Variants in STAB2 observed in about 807,000 individuals in gnomAD.
The protein encoded by STAB2 is stabilin 2, also known as stabilin-2.
Under a neutral mutation model 338.1 loss-of-function variants are expected in STAB2, and 288 were observed. That is an observed-to-expected ratio of 0.85 (90% CI 0.77 to 0.94). The LOEUF is 0.94. Ranked by LOEUF, STAB2 falls within the 40% of genes least tolerant of loss-of-function variation. The pLI, the probability that STAB2 is intolerant of heterozygous loss-of-function variation, is 0.00. For missense variants in STAB2, 3,141 were observed against 3,210.1 expected (o/e 0.98, Z 0.52); for synonymous variants, 1,202 against 1,193.3 (o/e 1.01, Z -0.15).
At chr12:103,612,794 G>GT (rs1957146259) in intron 3 of STAB2, among the ~76,000 whole-genome samples, 1 of 151,886 alleles carries the variant, frequency 6.6e-6, no homozygotes, top group African/African-American at 2.4e-5. Flanking sequence ...TTTCTGCTCT[G>GT]TTTTTTTCCC....
chr12:103,728,323 T>G (rs1304149554), intron 47 of STAB2, among the ~76,000 whole-genome samples: 1 of 151,854 alleles, frequency 6.6e-6, no homozygotes, highest in Non-Finnish European at 1.5e-5. Context: ...TGGGCCAGGC[T>G]GGTCTCGAAC....
intron 19 of STAB2, among the ~76,000 whole-genome samples, chr12:103,667,683 G>A (rs961342479): frequency 6.6e-6 from 1 of 152,170 alleles, no homozygotes; most frequent in African/African-American, 2.4e-5. Context: ...CTTCCTCAGT[G>A]ACCTCAGAAT....
In STAB2 at chr12:103,705,708, A is replaced by C; in HGVS notation, c.3977A>C (p.Lys1326Thr). The change falls in exon 37 of 69, where the codon AAA becomes ACA. Residue 1326 changes from lysine to threonine, a missense_variant. Transcript: ENST00000388887. Reference protein sequence around the residue: ...RRTLFIGCQPKCVRTVITREC... With the variant: ...RRTLFIGCQPTCVRTVITREC... ...ACCCTGTTTATTGGGTGCCAGCCAA[A>C]ATGTGTGAGAACCGTCATTGTGAGT... 1 of 1,614,192 alleles carries C rather than the reference A, an allele frequency of 6.2e-7. No individual in the cohort carries two copies. Among genetic ancestry groups the C allele is most frequent in the South Asian group, 1.1e-5 (1 of 91,076 alleles).
At chr12:103,704,171 T>C (rs1357377187) in intron 35 of STAB2, among the ~76,000 whole-genome samples, 4 of 152,240 alleles carry the variant, frequency 2.6e-5, no homozygotes. Context: ...GTATTATCTC[T>C]GGGGCATCTC....
chr12:103,737,354 A>C (rs560178507), intron 52 of STAB2, among the ~76,000 whole-genome samples: 2 of 152,366 alleles, frequency 1.3e-5, no homozygotes, highest in South Asian at 2.1e-4. Context: ...ATGGGTACTA[A>C]TAATAATAGC....
In STAB2 at chr12:103,664,551, G is replaced by A. The variant is rs561251119; in HGVS notation, c.2022+1553G>A. Among the ~76,000 whole-genome samples, 33 of 152,268 alleles carry A rather than the reference G, an allele frequency of 2.2e-4. 1 individual carries two copies. The highest frequency in any genetic ancestry group is 3.4e-3 in the Middle Eastern group (1 of 294). Reference sequence around the variant, plus strand: ...CCCAAGTTTTAACAATAATAGGTCTGGGTCTTTCTTTTCAGGATGCTTCAA... The same window carrying A: ...CCCAAGTTTTAACAATAATAGGTCTAGGTCTTTCTTTTCAGGATGCTTCAA... On this transcript the variant is annotated intron_variant, in intron 18 of 68. Coordinates refer to ENST00000388887, the MANE Select transcript of STAB2 (RefSeq NM_017564.10).
chr12:103,698,695 G>A (rs982885395), intron 33 of STAB2, among the ~76,000 whole-genome samples: 6 of 152,110 alleles, frequency 3.9e-5, no homozygotes, highest in East Asian at 1.9e-4. Context: ...CTATCTCCAC[G>A]AGACACAGAT....
At chr12:103,698,741 G>A (rs1034886754) in intron 33 of STAB2, among the ~76,000 whole-genome samples, 8 of 152,088 alleles carry the variant, frequency 5.3e-5, no homozygotes, top group South Asian at 2.1e-4. Context: ...AGCTCCTCTC[G>A]TGCCCCAGAG....
Position 103,761,397 on chromosome 12 carries a change from C to T in STAB2, c.7346C>T (p.Pro2449Leu). The change falls in exon 66 of 69, where the codon CCC becomes CTC. Residue 2449 changes from proline (P) to leucine (L), a missense_variant. Transcript: ENST00000388887. ...IHVISRPLKA[P>L]PAPVTLTHTG... is the part of the protein sequence containing the mutation. The stretch of plus-strand genomic sequence containing the variant: ...GTCATTTCCAGGCCTTTAAAAGCAC[C>T]CCCTGCCCCCGTGGTGAGTATCTAG... 6.2e-7 allele frequency: 1 copy of T among 1,613,592 alleles called. No homozygotes were observed. Among genetic ancestry groups the T allele is most frequent in the South Asian group, 1.1e-5 (1 of 91,048 alleles).
At chr12:103,687,930 T>C (rs1339854902) in intron 27 of STAB2, among the ~76,000 whole-genome samples, 1 of 152,220 alleles carries the variant, frequency 6.6e-6, no homozygotes, top group Non-Finnish European at 1.5e-5. Context: ...ATTACTTCCA[T>C]AGAGAATAAC....
chr12:103,600,883 C>T (rs1956944289), intron 3 of STAB2, among the ~76,000 whole-genome samples: 1 of 76,190 alleles, frequency 1.3e-5, no homozygotes, highest in South Asian at 4.3e-4. Context: ...CAGGCACATT[C>T]CTTCCTGTCC....
At chr12:103,744,221 G>A (rs967293810) in intron 56 of STAB2, among the ~76,000 whole-genome samples, 1 of 151,834 alleles carries the variant, frequency 6.6e-6, no homozygotes, top group Non-Finnish European at 1.5e-5. Context: ...ATGGCTCACT[G>A]CAGCCTCAAC....
intron 3 of STAB2, among the ~76,000 whole-genome samples, chr12:103,617,462 T>C (rs923303949): frequency 6.6e-6 from 1 of 152,226 alleles, no homozygotes; most frequent in African/African-American, 2.4e-5. Flanking sequence ...TACTACAACC[T>C]ACCTAGAAGA....
At chr12:103,617,750 C>T (rs886105105) in intron 3 of STAB2, among the ~76,000 whole-genome samples, 9 of 152,190 alleles carry the variant, frequency 5.9e-5, no homozygotes, top group African/African-American at 1.9e-4. Flanking sequence ...CACAAACATG[C>T]CTGTTACCTG....
At position 103,761,395 on chromosome 12, in the gene STAB2, AC is replaced by A; in HGVS notation, c.7349del (p.Pro2450LeufsTer4). 6.2e-7 allele frequency: 1 copy of A among 1,612,996 alleles called. No homozygotes were observed. Among genetic ancestry groups the A allele is most frequent in the Non-Finnish European group, 8.5e-7 (1 of 1,179,846 alleles). On this transcript the variant is annotated frameshift_variant, in exon 66 of 69. Coordinates refer to ENST00000388887, the MANE Select transcript of STAB2 (RefSeq NM_017564.10). LOFTEE classifies it high-confidence loss of function. ...ATGTCATTTCCAGGCCTTTAAAAGCACCCCCTGCCCCCGTGGTGAGTATCTA... is the reference window on the plus strand; with the variant it reads ...ATGTCATTTCCAGGCCTTTAAAAGCACCCCTGCCCCCGTGGTGAGTATCTA... ...IHVISRPLKA[P>X]PAPVTLTHTG...
At chr12:103,688,744 C>T (rs904809896) in intron 28 of STAB2, among the ~76,000 whole-genome samples, 1 of 152,198 alleles carries the variant, frequency 6.6e-6, no homozygotes, top group Admixed American at 6.5e-5. Context: ...CTGAACCCCC[C>T]ATCCCAGCAT....
chr12:103,648,674 T>C lies in STAB2; in HGVS notation c.1041-16T>C. 1 of 1,612,148 alleles carries C rather than the reference T, an allele frequency of 6.2e-7. No individual in the cohort carries two copies. Among genetic ancestry groups the C allele is most frequent in the African/African-American group, 1.3e-5 (1 of 74,992 alleles). On this transcript the variant is annotated splice_polypyrimidine_tract_variant and intron_variant, in intron 9 of 68. Coordinates refer to ENST00000388887, the MANE Select transcript of STAB2 (RefSeq NM_017564.10). ...GGCTCTAAAACCCTGAGGATGTCTTTTCCCCCTCTCTGTAGATGCATTTGC... is the reference window on the plus strand; with the variant it reads ...GGCTCTAAAACCCTGAGGATGTCTTCTCCCCCTCTCTGTAGATGCATTTGC...
chr12:103,686,254 T>C (rs1877421946), intron 27 of STAB2, among the ~76,000 whole-genome samples: 1 of 152,150 alleles, frequency 6.6e-6, no homozygotes, highest in Admixed American at 6.5e-5. Flanking sequence ...AACCTTGCCC[T>C]TGGGGGGCCC....
At position 103,648,839 on chromosome 12, in the gene STAB2, T is replaced by C; in HGVS notation, c.1174+16T>C. The C allele has an allele frequency of 6.2e-7, 1 of 1,610,458 alleles. No homozygotes were observed. Among genetic ancestry groups the C allele is most frequent in the Non-Finnish European group, 8.5e-7 (1 of 1,178,650 alleles). ...TCACTCCTAGGTACGCAGCTATGGG[T>C]ACAGATTTCCACACAAAAGTCCTCT... On this transcript the variant is annotated intron_variant, in intron 10 of 68. Coordinates refer to ENST00000388887, the MANE Select transcript of STAB2 (RefSeq NM_017564.10).
Sources: gnomAD v4.1 joint callset for allele counts (sites outside exome capture counted in the v4.1 genomes callset) on GRCh38, gnomAD v4.1.1 for gene constraint, MANE v1.5 for transcripts, NCBI Gene and HGNC (gene_info 2026-07-23, HGNC 2026-07-21) for gene names.